The following CFDP1 variants were observed in gnomAD, a reference collection of about 807,000 sequenced individuals.
CFDP1 encodes chromatin remodeling protein CFDP1, also known as heterochromatin-stabilizing protein CFDP1.
Under a neutral mutation model 40.1 loss-of-function variants are expected in CFDP1, and 31 were observed. The ratio of observed to expected loss-of-function variants is 0.77; its 90% CI spans 0.58 to 1.04. The LOEUF is 1.04. Ranked by LOEUF, CFDP1 falls within the 50% of genes least tolerant of loss-of-function variation. The pLI, the probability that CFDP1 is intolerant of heterozygous loss-of-function variation, is 0.00. For synonymous variants in CFDP1, 167 were observed against 120.0 expected (o/e 1.39, Z -2.56); for missense variants, 423 against 343.4 (o/e 1.23, Z -1.83).
At chr16:75,402,386 A>G (rs1282025845) in intron 4 of CFDP1, among the ~76,000 whole-genome samples, 1 of 152,230 alleles carries the variant, frequency 6.6e-6, no homozygotes, top group African/African-American at 2.4e-5. Flanking sequence ...ATCATTTAGG[A>G]AAGTCTGAGC....
chr16:75,309,819 CAAA>C (rs1156624164), intron 5 of CFDP1, among the ~76,000 whole-genome samples: 1 of 46,482 alleles, frequency 2.2e-5, no homozygotes, highest in East Asian at 1.0e-3. Flanking sequence ...GACTCCATCT[CAAA>C]AAAAAAAAAA....
chr16:75,412,257 G>A (rs1018727239), intron 3 of CFDP1, among the ~76,000 whole-genome samples: 1 of 152,156 alleles, frequency 6.6e-6, no homozygotes, highest in South Asian at 2.1e-4. Context: ...GACCTCAAAT[G>A]ATCCACCTGC....
rs566754063 is a variant in CFDP1 at position 75,318,626 on chromosome 16, G to A, written c.651-13444C>T. On this transcript the variant is annotated intron_variant, in intron 5 of 6. Transcript: ENST00000283882. ...TCACCGTGTTAGCCAGGATGGTCTC[G>A]ATCTCCTGACCTTGTGATCCGCCCG... Among the ~76,000 whole-genome samples the A allele has an allele frequency of 1.2e-4, 18 of 152,038 alleles. No homozygotes were observed. In the East Asian group the frequency reaches 2.9e-3, roughly 25 times the overall value.
chr16:75,327,869 A>G (rs11149816), intron 5 of CFDP1, among the ~76,000 whole-genome samples: 113,186 of 151,890 alleles, frequency 0.75, 42,336 homozygotes, highest in Admixed American at 0.8. Context: ...GATTACAGGT[A>G]CCCGCCACCA....
chr16:75,404,278 C>G (rs1172710439), intron 4 of CFDP1, among the ~76,000 whole-genome samples: 1 of 149,492 alleles, frequency 6.7e-6, no homozygotes, highest in East Asian at 2.0e-4. Flanking sequence ...CTCTGTTGCC[C>G]AGGCTGGAGT....
At chr16:75,404,901 T>C (rs1394235130) in intron 4 of CFDP1, among the ~76,000 whole-genome samples, 1 of 152,168 alleles carries the variant, frequency 6.6e-6, no homozygotes, top group African/African-American at 2.4e-5. Flanking sequence ...CTAGACTGGA[T>C]TTTAGATTGA....
chr16:75,375,130 G>T (rs1198779079), intron 5 of CFDP1, among the ~76,000 whole-genome samples: 1 of 149,920 alleles, frequency 6.7e-6, no homozygotes, highest in Non-Finnish European at 1.5e-5. Context: ...ATAAAAGCCA[G>T]GACCATTAAA....
At chr16:75,315,101 T>A (rs2053007653) in intron 5 of CFDP1, among the ~76,000 whole-genome samples, 1 of 151,932 alleles carries the variant, frequency 6.6e-6, no homozygotes, top group South Asian at 2.1e-4. Flanking sequence ...CACAAAAGCA[T>A]CACATAATTG....
At chr16:75,307,080 T>C (rs2078263850) in intron 5 of CFDP1, among the ~76,000 whole-genome samples, 1 of 152,224 alleles carries the variant, frequency 6.6e-6, no homozygotes, top group Non-Finnish European at 1.5e-5. Flanking sequence ...CTCCCTGACC[T>C]GTTTTTCCCC....
At chr16:75,380,384 T>C (rs940119150) in intron 5 of CFDP1, among the ~76,000 whole-genome samples, 15 of 152,064 alleles carry the variant, frequency 9.9e-5, no homozygotes, top group East Asian at 5.8e-4. Flanking sequence ...TGAGCTGAAA[T>C]AGTGGTTACA....
chr16:75,390,716 T>C (rs746991142), intron 5 of CFDP1, among the ~76,000 whole-genome samples: 1 of 152,216 alleles, frequency 6.6e-6, no homozygotes, highest in Non-Finnish European at 1.5e-5. Flanking sequence ...TCTGGGTATT[T>C]ATTCCCTTGG....
intron 5 of CFDP1, 94 bp downstream of exon 5, chr16:75,394,996 G>T: frequency 6.9e-7 from 1 of 1,451,824 alleles, no homozygotes; most frequent in Admixed American, 1.9e-5. Flanking sequence ...CTCTCTCTCA[G>T]GCAAGGAGTC....
At chr16:75,370,370 A>C (rs1268439442) in intron 5 of CFDP1, among the ~76,000 whole-genome samples, 1 of 151,844 alleles carries the variant, frequency 6.6e-6, no homozygotes. Context: ...TGGGATTACC[A>C]ACGTGAGCCA....
intron 5 of CFDP1, among the ~76,000 whole-genome samples, chr16:75,343,218 T>C (rs2078538607): frequency 6.6e-6 from 1 of 152,120 alleles, no homozygotes; most frequent in African/African-American, 2.4e-5. Context: ...CTAAATAAGT[T>C]AAAAAATGTT....
At chr16:75,388,898 G>T (rs1379105877) in intron 5 of CFDP1, among the ~76,000 whole-genome samples, 2 of 146,520 alleles carry the variant, frequency 1.4e-5, no homozygotes, top group Non-Finnish European at 3.0e-5. Flanking sequence ...CTATGATGTT[G>T]TTTGATACTC....
At chr16:75,328,144 ATTT>A (rs1262815642) in intron 5 of CFDP1, among the ~76,000 whole-genome samples, 2 of 127,624 alleles carry the variant, frequency 1.6e-5, no homozygotes, top group South Asian at 2.5e-4. Flanking sequence ...TTGGTACTTG[ATTT>A]TTTTTTTTTT....
intron 1 of CFDP1, among the ~76,000 whole-genome samples, chr16:75,424,003 T>C (rs1567683190): frequency 6.6e-6 from 1 of 152,046 alleles, no homozygotes; most frequent in Non-Finnish European, 1.5e-5. Flanking sequence ...CTCCCAGAAA[T>C]AAGTCTGTCA....
chr16:75,304,951 G>C, intron 6 of CFDP1, 73 bp downstream of exon 6: 2 of 1,492,314 alleles, frequency 1.3e-6, no homozygotes, highest in South Asian at 2.4e-5. Context: ...ACAGTGGGCA[G>C]TTTGTCTCCA....
intron 5 of CFDP1, among the ~76,000 whole-genome samples, chr16:75,371,804 A>G (rs2078753535): frequency 1.3e-5 from 2 of 152,194 alleles, no homozygotes; most frequent in African/African-American, 4.8e-5. Flanking sequence ...TTAAATCTAT[A>G]TACGTTTTTA....
Sources: allele counts gnomAD v4.1 joint callset (sites outside exome capture counted in the v4.1 genomes callset), GRCh38; gene constraint gnomAD v4.1.1; transcripts MANE v1.5; gene names NCBI Gene and HGNC (gene_info 2026-07-23, HGNC 2026-07-21).